Variants in GRAMD2B observed in about 807,000 individuals in gnomAD.
GRAMD2B encodes GRAM domain-containing protein 2B.
Under a neutral mutation model 59.2 loss-of-function variants are expected in GRAMD2B, and 41 were observed. The observed-to-expected ratio is 0.69, with a 90% CI of 0.54 to 0.90. The LOEUF (loss-of-function observed/expected upper bound fraction) is 0.90. GRAMD2B is among the 40% of genes least tolerant of loss of function. GRAMD2B has a pLI of 0.00. For missense variants in GRAMD2B, 424 were observed against 500.5 expected (o/e 0.85, Z 1.46); for synonymous variants, 161 against 182.7 (o/e 0.88, Z 0.96).
intron 1 of GRAMD2B, among the ~76,000 whole-genome samples, chr5:126,362,207 T>G (rs1322277812): frequency 6.6e-6 from 1 of 152,204 alleles, no homozygotes; most frequent in Non-Finnish European, 1.5e-5. Context: ...GACCAAACGA[T>G]TTTTTGATCG....
At chr5:126,457,191 C>CAAAAAAAAAAAAAA (rs559904336) in intron 1 of GRAMD2B, among the ~76,000 whole-genome samples, 1 of 63,982 alleles carries the variant, frequency 1.6e-5, no homozygotes, top group African/African-American at 5.5e-5. Context: ...GACTCCGTCT[C>CAAAAAAAAAAAAAA]AAAAAAAAAA....
At chr5:126,380,310 C>T (rs916289453) in intron 1 of GRAMD2B, among the ~76,000 whole-genome samples, 1 of 152,092 alleles carries the variant, frequency 6.6e-6, no homozygotes, top group Non-Finnish European at 1.5e-5. Flanking sequence ...GTGACTATGG[C>T]TTATGGTATA....
intron 1 of GRAMD2B, among the ~76,000 whole-genome samples, chr5:126,405,764 G>T (rs1758212889): frequency 6.7e-6 from 1 of 149,724 alleles, no homozygotes; most frequent in Non-Finnish European, 1.5e-5. Flanking sequence ...TGCTTTTCTT[G>T]GTTCTTTTGA....
rs1760817564 is a variant in GRAMD2B, at chr5:126,427,505, T to A, written c.83+3816T>A. 2.7e-5 allele frequency among the ~76,000 whole-genome samples: 4 copies of A among 149,894 alleles called. No individual in the cohort carries two copies. The South Asian group carries it at 8.3e-4, about 31-fold the overall frequency. On this transcript the variant is annotated intron_variant, in intron 1 of 13. Transcript: ENST00000285689. ...TTTTAACATTTGAACTTTAATAACT[T>A]GAGGTGTAAGAATTTTAGAAATATG...
In GRAMD2B at chr5:126,454,803, G is replaced by A. The variant is rs568557402; in HGVS notation, c.84-10623G>A. Among the ~76,000 whole-genome samples, 263 of 152,302 alleles carry A rather than the reference G, an allele frequency of 1.7e-3. 1 individual carries two copies. The highest frequency in any genetic ancestry group is 7.9e-3 in the South Asian group (38 of 4,824). ...ATTTTTGCTACAGCAGTGTGCTTGA[G>A]ACTCAGTGGAATTAGTTTCCAAACT... On this transcript the variant is annotated intron_variant, in intron 1 of 13. Transcript: ENST00000285689.
intron 1 of GRAMD2B, among the ~76,000 whole-genome samples, chr5:126,394,258 C>G (rs974905347): frequency 2.7e-5 from 4 of 148,196 alleles, no homozygotes; most frequent in Admixed American, 2.7e-4. Flanking sequence ...CCGGACGACA[C>G]AGCAAGACTC....
At chr5:126,368,400 C>A (rs1348289459), upstream of GRAMD2B, among the ~76,000 whole-genome samples, 1 of 152,240 alleles carries the variant, frequency 6.6e-6, no homozygotes, top group Non-Finnish European at 1.5e-5. Flanking sequence ...TTCACATTTT[C>A]TTTCAATGAT....
At chr5:126,379,365 T>C (rs1358684432) in intron 1 of GRAMD2B, among the ~76,000 whole-genome samples, 1 of 152,342 alleles carries the variant, frequency 6.6e-6, no homozygotes, top group South Asian at 2.1e-4. Flanking sequence ...GCTATAAACA[T>C]GTATATGCAA....
rs1161578936 is a variant in GRAMD2B, at chr5:126,477,770, G to T, written c.565G>T (p.Ala189Ser). 2 of 1,608,046 alleles carry T rather than the reference G, an allele frequency of 1.2e-6. No homozygotes were observed. The highest frequency in any genetic ancestry group is 1.7e-6 in the Non-Finnish European group (2 of 1,174,634). ...ALLVPNALIIATVTDRYIFVS... is the reference protein window; with the variant it reads ...ALLVPNALIISTVTDRYIFVS... ...TCTAGTGCCAAACGCCCTGATCATA[G>T]CAACAGTCACAGACAGGGTGAGTAT... Residue 189 changes from alanine (A) to serine (S), a missense_variant, in exon 6 of 14, where the codon GCA becomes TCA. Ala to Ser is a moderately conservative substitution (Grantham distance 99). Coordinates refer to ENST00000285689, the MANE Select transcript of GRAMD2B (RefSeq NM_023927.4).
chr5:126,472,714 A>C (rs1290144151), intron 4 of GRAMD2B, among the ~76,000 whole-genome samples: 1 of 152,166 alleles, frequency 6.6e-6, no homozygotes, highest in Non-Finnish European at 1.5e-5. Flanking sequence ...TAAGATAGTC[A>C]CCTAAATATC....
chr5:126,446,429 G>C (rs2126642383), intron 1 of GRAMD2B, among the ~76,000 whole-genome samples: 1 of 152,016 alleles, frequency 6.6e-6, no homozygotes, highest in South Asian at 2.1e-4. Flanking sequence ...AAAATAAGTG[G>C]ATACCCTTAT....
At chr5:126,451,107 C>T (rs114472603) in intron 1 of GRAMD2B, among the ~76,000 whole-genome samples, 1 of 152,216 alleles carries the variant, frequency 6.6e-6, no homozygotes. Flanking sequence ...AACTCCAACC[C>T]GTGAGAGCAG....
intron 5 of GRAMD2B, among the ~76,000 whole-genome samples, chr5:126,475,433 T>C (rs1410732594): frequency 6.6e-6 from 1 of 152,212 alleles, no homozygotes; most frequent in Non-Finnish European, 1.5e-5. Flanking sequence ...TTTTTAAAAA[T>C]CATCATCTAA....
chr5:126,456,348 C>T (rs1404665221), intron 1 of GRAMD2B, among the ~76,000 whole-genome samples: 1 of 151,522 alleles, frequency 6.6e-6, no homozygotes, highest in Non-Finnish European at 1.5e-5. Flanking sequence ...GCAGCTGGAA[C>T]CACAGGTGCA....
In GRAMD2B at chr5:126,387,459, TAAG is replaced by T. The variant is rs139079236; in HGVS notation, c.125+15895_125+15897del. Among the ~76,000 whole-genome samples the T allele has an allele frequency of 1.2e-3, 181 of 151,880 alleles. 1 individual carries two copies. Among genetic ancestry groups the T allele is most frequent in the African/African-American group, 4.2e-3 (175 of 41,504 alleles). On this transcript the variant is annotated intron_variant, in intron 1 of 8. Coordinates refer to the GRAMD2B transcript ENST00000506445. Reference sequence around the variant, plus strand: ...GGGCTTAGTTTATTTTCTGGAAATATAAGAATAAAGACACTAAGAGAAGATGGT... The same window carrying T: ...GGGCTTAGTTTATTTTCTGGAAATATAATAAAGACACTAAGAGAAGATGGT...
intron 1 of GRAMD2B, among the ~76,000 whole-genome samples, chr5:126,372,921 CAACA>C (rs2149693370): frequency 6.6e-6 from 1 of 152,020 alleles, no homozygotes; most frequent in South Asian, 2.1e-4. Flanking sequence ...CAAAATGTAT[CAACA>C]AACAAATAAA....
chr5:126,417,626 A>T (rs1431842298), intron 1 of GRAMD2B, among the ~76,000 whole-genome samples: 2 of 152,224 alleles, frequency 1.3e-5, no homozygotes, highest in East Asian at 3.8e-4. Context: ...ATAATAAATT[A>T]TTGTTTTAAG....
At chr5:126,484,063 C>T (rs1186199181) in intron 9 of GRAMD2B, among the ~76,000 whole-genome samples, 1 of 152,144 alleles carries the variant, frequency 6.6e-6, no homozygotes, top group Non-Finnish European at 1.5e-5. Flanking sequence ...CTCCTGACCT[C>T]GTGATCCACC....
chr5:126,446,620 TA>T (rs34271639), intron 1 of GRAMD2B, among the ~76,000 whole-genome samples: 39,216 of 135,046 alleles, frequency 0.29, 5,466 homozygotes, highest in African/African-American at 0.39. Context: ...TTTTAAAAAT[TA>T]AAAAAAAAAA....
Sources: allele counts gnomAD v4.1 joint callset (sites outside exome capture counted in the v4.1 genomes callset), GRCh38; gene constraint gnomAD v4.1.1; transcripts MANE v1.5; gene names NCBI Gene and HGNC (gene_info 2026-07-23, HGNC 2026-07-21).